The following LRRIQ1 variants were observed in gnomAD, a reference collection of about 807,000 sequenced individuals.
LRRIQ1 encodes the protein leucine rich repeats and IQ motif containing 1, also known as leucine-rich repeat- and IQ domain-containing protein 1.
In LRRIQ1, 210 loss-of-function variants were observed where a neutral mutation model predicts 211.9. The observed-to-expected ratio is 0.99, with a 90% CI of 0.89 to 1.11. The LOEUF (loss-of-function observed/expected upper bound fraction) is 1.11. Among genes scored for constraint, LRRIQ1 ranks in the 50% most tolerant of loss-of-function variants. LRRIQ1 has a pLI of 0.00. For synonymous variants in LRRIQ1, 699 were observed against 650.1 expected, an observed-to-expected ratio of 1.08 and a Z score of -1.14; for missense variants, 2,136 against 1,939.5, an observed-to-expected ratio of 1.10 and a Z score of -1.90.
intron 10 of LRRIQ1, among the ~76,000 whole-genome samples, chr12:85,068,369 G>A (rs1278480543): frequency 1.3e-5 from 2 of 151,770 alleles, no homozygotes; most frequent in African/African-American, 4.8e-5. Flanking sequence ...TTGCTTGTTT[G>A]TGTATATTTT....
intron 21 of LRRIQ1, 90 bp downstream of exon 21, chr12:85,153,235 G>A (rs1890346538): frequency 1.7e-6 from 2 of 1,211,002 alleles, no homozygotes; most frequent in Non-Finnish European, 2.3e-6. Flanking sequence ...AAAACTAGAT[G>A]TGAATTTACT....
chr12:85,096,234 T>G (rs1885868292), intron 11 of LRRIQ1, among the ~76,000 whole-genome samples: 1 of 152,174 alleles, frequency 6.6e-6, no homozygotes, highest in South Asian at 2.1e-4. Context: ...GGTATTCTAG[T>G]TCCAGTAGGC....
chr12:85,088,799 A>T (rs1885091771), intron 11 of LRRIQ1, among the ~76,000 whole-genome samples: 1 of 152,180 alleles, frequency 6.6e-6, no homozygotes, highest in East Asian at 1.9e-4. Context: ...TTGTATCCTG[A>T]GACTTTGCTG....
At chr12:85,155,262 AG>A (rs1230323173) in intron 23 of LRRIQ1, among the ~76,000 whole-genome samples, 1 of 151,602 alleles carries the variant, frequency 6.6e-6, no homozygotes, top group Non-Finnish European at 1.5e-5. Context: ...TAACATTTCA[AG>A]CATTTTTAAA....
At chr12:85,071,449 G>T (rs1303832118) in intron 10 of LRRIQ1, among the ~76,000 whole-genome samples, 1 of 151,892 alleles carries the variant, frequency 6.6e-6, no homozygotes, top group Non-Finnish European at 1.5e-5. Flanking sequence ...GATGGATATT[G>T]AATGGTTTCC....
intron 19 of LRRIQ1, among the ~76,000 whole-genome samples, chr12:85,140,223 A>G (rs771465077): frequency 2.0e-5 from 3 of 151,304 alleles, no homozygotes; most frequent in Non-Finnish European, 4.4e-5. Context: ...AACAAACCTC[A>G]ATGTGGAAAA....
At chr12:85,238,832 C>G (rs1368646336) in intron 26 of LRRIQ1, among the ~76,000 whole-genome samples, 3 of 152,054 alleles carry the variant, frequency 2.0e-5, no homozygotes, top group African/African-American at 7.2e-5. Context: ...AGAAAACCAT[C>G]TGATTTTCAC....
At position 85,229,292 on chromosome 12, in the gene LRRIQ1, A is replaced by C. The variant is rs543761369; in HGVS notation, c.4823-225A>C. ...ACCCTATAAATGGTGATTGATTTTA[A>C]GTATTTTTTTCAAAATAGATGGGTT... On this transcript the variant is annotated intron_variant, in intron 24 of 26. Transcript: ENST00000393217. Among the ~76,000 whole-genome samples, 5 of 152,302 alleles carry C rather than the reference A, an allele frequency of 3.3e-5. No individual in the cohort carries two copies. The South Asian group carries it at 8.3e-4, about 25-fold the overall frequency.
At chr12:85,195,851 G>A (rs1892875595) in intron 24 of LRRIQ1, among the ~76,000 whole-genome samples, 1 of 152,018 alleles carries the variant, frequency 6.6e-6, no homozygotes, top group African/African-American at 2.4e-5. Flanking sequence ...GAAGGAAATA[G>A]AGGGTATTCA....
chr12:85,252,063 C>A (rs1895961818), intron 1 of LRRIQ1, among the ~76,000 whole-genome samples: 2 of 151,736 alleles, frequency 1.3e-5, no homozygotes, highest in South Asian at 4.1e-4. Context: ...TTAATATTTT[C>A]TTTAAATGAT....
chr12:85,251,684 A>G (rs1011135422), intron 1 of LRRIQ1, among the ~76,000 whole-genome samples: 32 of 151,830 alleles, frequency 2.1e-4, no homozygotes, highest in Non-Finnish European at 2.8e-4. Context: ...AAACTTGAAT[A>G]GGATATTTGA....
At chr12:85,197,529 G>A (rs2136989592) in intron 24 of LRRIQ1, among the ~76,000 whole-genome samples, 1 of 150,562 alleles carries the variant, frequency 6.6e-6, no homozygotes, top group East Asian at 1.9e-4. Context: ...TCATTTGTAG[G>A]GACATGGATG....
At chr12:85,053,581 C>T (rs1156542359) in intron 7 of LRRIQ1, among the ~76,000 whole-genome samples, 1 of 152,176 alleles carries the variant, frequency 6.6e-6, no homozygotes. Flanking sequence ...TCTTTGAATC[C>T]TGACTCTTCC....
chr12:85,177,805 A>G (rs1891784551), intron 24 of LRRIQ1, among the ~76,000 whole-genome samples: 1 of 152,150 alleles, frequency 6.6e-6, no homozygotes, highest in African/African-American at 2.4e-5. Flanking sequence ...ATAGGAAGGA[A>G]ACAAGAGTAA....
intron 11 of LRRIQ1, among the ~76,000 whole-genome samples, chr12:85,075,191 A>G (rs1261348593): frequency 6.6e-6 from 1 of 152,034 alleles, no homozygotes; most frequent in Admixed American, 6.6e-5. Flanking sequence ...TCACGCTTAT[A>G]ATCCTAGCAC....
chr12:85,159,122 AG>A (rs1342156182), intron 23 of LRRIQ1, among the ~76,000 whole-genome samples: 1 of 152,030 alleles, frequency 6.6e-6, no homozygotes, highest in Non-Finnish European at 1.5e-5. Flanking sequence ...AATTATTTTG[AG>A]TAACTTTAGC....
intron 19 of LRRIQ1, among the ~76,000 whole-genome samples, chr12:85,145,302 G>A (rs1369508380): frequency 6.6e-6 from 1 of 151,442 alleles, no homozygotes; most frequent in Non-Finnish European, 1.5e-5. Flanking sequence ...TGATAAATTA[G>A]CCAGGATCCA....
intron 24 of LRRIQ1, among the ~76,000 whole-genome samples, chr12:85,191,218 G>A (rs754072020): frequency 1.3e-5 from 2 of 151,824 alleles, no homozygotes; most frequent in Non-Finnish European, 2.9e-5. Flanking sequence ...TTGCTGTTGT[G>A]CATTATATGG....
intron 10 of LRRIQ1, among the ~76,000 whole-genome samples, chr12:85,071,324 C>CT (rs1266196915): frequency 6.6e-6 from 1 of 151,828 alleles, no homozygotes; most frequent in African/African-American, 2.4e-5. Context: ...AAGTACTGTT[C>CT]TTTGTCTTGC....
Sources: allele counts gnomAD v4.1 joint callset (sites outside exome capture counted in the v4.1 genomes callset), GRCh38; gene constraint gnomAD v4.1.1; transcripts MANE v1.5; gene names NCBI Gene and HGNC (gene_info 2026-07-23, HGNC 2026-07-21).